Variants in GLIPR2 observed in about 807,000 individuals in gnomAD.
The protein encoded by GLIPR2 is GLI pathogenesis related 2.
GLIPR2 carries 21 observed loss-of-function variants against 20.4 expected under a neutral mutation model. The observed-to-expected ratio is 1.03, with a 90% CI of 0.73 to 1.48. The LOEUF (loss-of-function observed/expected upper bound fraction) is 1.48. GLIPR2 is among the 40% of genes most tolerant of loss of function. The pLI, the probability that GLIPR2 is intolerant of heterozygous loss-of-function variation, is 0.00. For synonymous variants in GLIPR2, 91 were observed against 80.5 expected (o/e 1.13, Z -0.70); for missense variants, 205 against 200.1 (o/e 1.02, Z -0.15).
chr9:36,136,809 C>G lies in GLIPR2; in HGVS notation c.13+18C>G, dbSNP rs558551597. On this transcript the variant is annotated intron_variant, in intron 1 of 4. Coordinates refer to ENST00000377960, the MANE Select transcript of GLIPR2 (RefSeq NM_022343.4). This position sits in a 1 kb window ranked among gnomAD's most constrained non-coding sequence, Gnocchi z 4.3. The stretch of plus-strand genomic sequence containing the variant: ...CAAGTCAGGTGAGCCCGCGGGCTCG[C>G]CCGCTGCGGAATGGTTCGGAACCCC... 1.4e-4 allele frequency: 181 copies of G among 1,297,228 alleles called. 1 individual carries two copies. In the African/African-American group the frequency reaches 2.6e-3, roughly 19 times the overall value. 80.4% of individuals were successfully genotyped at this position (1,297,228 alleles called of 1,614,324 possible).
chr9:36,142,743 T>C (rs1156828595), intron 1 of GLIPR2, among the ~76,000 whole-genome samples: 2 of 152,138 alleles, frequency 1.3e-5, no homozygotes, highest in Non-Finnish European at 2.9e-5. Flanking sequence ...CTTGGGTTTT[T>C]CTCGGTGGGG....
intron 1 of GLIPR2, among the ~76,000 whole-genome samples, chr9:36,147,222 GTCTC>G (rs1825366602): frequency 6.6e-6 from 1 of 152,098 alleles, no homozygotes; most frequent in Non-Finnish European, 1.5e-5. Flanking sequence ...CTCTTTGTCT[GTCTC>G]TCTGTCTCCT....
intron 4 of GLIPR2, among the ~76,000 whole-genome samples, chr9:36,152,049 G>A (rs1190746090): frequency 2.0e-5 from 3 of 152,184 alleles, no homozygotes; most frequent in Non-Finnish European, 4.4e-5. Flanking sequence ...CCTGTGGTTT[G>A]CTGCCCGCCC....
chr9:36,155,287 T>C (rs997192732), intron 4 of GLIPR2, among the ~76,000 whole-genome samples: 4 of 152,244 alleles, frequency 2.6e-5, no homozygotes, highest in African/African-American at 9.6e-5. Flanking sequence ...AAATAAATTA[T>C]AGCTAAGTTT....
chr9:36,154,974 G>C (rs745488641), intron 4 of GLIPR2, among the ~76,000 whole-genome samples: 3 of 152,186 alleles, frequency 2.0e-5, no homozygotes, highest in Admixed American at 6.5e-5. Context: ...CTTTGGAAAC[G>C]GCCTGTAGAA....
intron 4 of GLIPR2, among the ~76,000 whole-genome samples, chr9:36,158,119 T>C (rs1196252564): frequency 1.3e-5 from 2 of 152,178 alleles, no homozygotes; most frequent in Non-Finnish European, 2.9e-5. Context: ...GACCGGGCTA[T>C]GTGACTTTGG....
At chr9:36,157,709 CACACATATATATAT>C (rs1563889091) in intron 4 of GLIPR2, among the ~76,000 whole-genome samples, 2 of 142,672 alleles carry the variant, frequency 1.4e-5, no homozygotes. Flanking sequence ...CACACACACA[CACACATATATATAT>C]ACACATATAT....
At chr9:36,154,628 C>T (rs201511513) in intron 4 of GLIPR2, among the ~76,000 whole-genome samples, 1 of 152,100 alleles carries the variant, frequency 6.6e-6, no homozygotes, top group Non-Finnish European at 1.5e-5. Context: ...AAAAAGGAAC[C>T]TTCGTTAGTG....
Position 36,147,822 on chromosome 9 carries a change from A to G in GLIPR2, c.50A>G (p.His17Arg), listed in dbSNP as rs970062458. The change falls in exon 2 of 5, where the codon CAC (histidine) becomes CGC (arginine). Residue 17 changes from histidine (H) to arginine (R), a missense_variant. By Grantham distance (29) the His-to-Arg change is conservative. Coordinates refer to ENST00000377960, the MANE Select transcript of GLIPR2 (RefSeq NM_022343.4). ...TTTCATAATGAGGTCCTGAAGGCCC[A>G]CAATGAGTACCGGCAGAAGCACGGC... ...KQFHNEVLKA[H>R]NEYRQKHGVP... 1.9e-6 allele frequency: 3 copies of G among 1,596,720 alleles called. No homozygotes were observed. In the African/African-American group the frequency reaches 4.0e-5, roughly 21 times the overall value.
At chr9:36,150,527 T>C (rs991684496) in intron 3 of GLIPR2, among the ~76,000 whole-genome samples, 8 of 152,198 alleles carry the variant, frequency 5.3e-5, no homozygotes, top group African/African-American at 1.9e-4. Flanking sequence ...TTGCAGTACA[T>C]TGCATTCAAC....
Position 36,150,292 on chromosome 9 carries a change from C to T in GLIPR2, c.227-580C>T, listed in dbSNP as rs76128448. Among the ~76,000 whole-genome samples, 343 of 152,272 alleles carry T rather than the reference C, an allele frequency of 2.3e-3. 2 individuals carry two copies. The highest frequency in any genetic ancestry group is 6.0e-3 in the African/African-American group (251 of 41,544). ...TTGAGACTGACTGCTCTGAGGTCCCCGCTCCTGGCTCTGGCCCGGAGAGCA... is the reference window on the plus strand; with the variant it reads ...TTGAGACTGACTGCTCTGAGGTCCCTGCTCCTGGCTCTGGCCCGGAGAGCA... On this transcript the variant is annotated intron_variant, in intron 3 of 4. Transcript: ENST00000377960.
At chr9:36,161,699 G>A (rs1474679788) in intron 4 of GLIPR2, among the ~76,000 whole-genome samples, 3 of 152,138 alleles carry the variant, frequency 2.0e-5, no homozygotes, top group East Asian at 3.8e-4. Context: ...TGTCAAGTAA[G>A]ATGAAGACAA....
intron 4 of GLIPR2, among the ~76,000 whole-genome samples, chr9:36,154,729 C>T (rs1174722531): frequency 6.6e-6 from 1 of 152,214 alleles, no homozygotes; most frequent in Non-Finnish European, 1.5e-5. Context: ...TTAATTCCCT[C>T]TGTGCAGACA....
At position 36,136,931 on chromosome 9, in the gene GLIPR2, GC is replaced by G. The variant is rs1824846723; in HGVS notation, c.13+144del. The G allele has an allele frequency of 9.7e-7, 1 of 1,032,578 alleles. No homozygotes were observed. The highest frequency in any genetic ancestry group is 4.8e-5 in the South Asian group (1 of 20,702). The allele number at this position is 1,032,578 out of a possible 1,614,324, so 64.0% of individuals were successfully genotyped here. A position where few individuals can be genotyped will look rare whatever the true frequency, so the allele number is the denominator to read the frequency against. On this transcript the variant is annotated intron_variant, in intron 1 of 4. Coordinates refer to ENST00000377960, the MANE Select transcript of GLIPR2 (RefSeq NM_022343.4). The surrounding 1 kb of genome is among the most constrained non-coding windows in gnomAD (Gnocchi z 4.3). ...CGGGTGGAGGGCGCGCGGGCGGAGCGCCCCGGCGCGGTTTCCGGGGAACCCG... is the reference window on the plus strand; with the variant it reads ...CGGGTGGAGGGCGCGCGGGCGGAGCGCCCGGCGCGGTTTCCGGGGAACCCG...
chr9:36,162,429 C>T lies in GLIPR2; in HGVS notation c.372C>T (p.Asp124=), dbSNP rs73648727. 3.4e-4 allele frequency: 545 copies of T among 1,613,958 alleles called. No individual in the cohort carries two copies. The African/African-American group carries it at 6.1e-3, about 18-fold the overall frequency. The change falls in exon 5 of 5, where the codon GAC becomes GAT. Residue 124 remains aspartate, a synonymous_variant. Transcript: ENST00000377960. ...KMGVGKASAS[D]GSSFVVARYF... ...GCGTGGGGAAGGCGTCCGCAAGTGACGGGTCCTCCTTTGTGGTGGCCAGAT... is the reference window on the plus strand; with the variant it reads ...GCGTGGGGAAGGCGTCCGCAAGTGATGGGTCCTCCTTTGTGGTGGCCAGAT...
rs1014981350 is a variant in GLIPR2 at position 36,162,730 on chromosome 9, C to T, written c.*208C>T. On this transcript the variant is annotated 3_prime_UTR_variant, in exon 5 of 5. Coordinates refer to ENST00000377960, the MANE Select transcript of GLIPR2 (RefSeq NM_022343.4). ...GAGTGAGCAAAGGAAGCATTTACCC[C>T]GATGGTTACCTAGACCACGATTATT... 2.9e-5 allele frequency: 18 copies of T among 621,124 alleles called. No homozygotes were observed. Among genetic ancestry groups the T allele is most frequent in the Non-Finnish European group, 3.7e-5 (13 of 354,068 alleles). The allele number at this position is 621,124 out of a possible 1,614,324, so 38.5% of individuals were successfully genotyped here.
chr9:36,153,744 T>C (rs1321791945), intron 4 of GLIPR2, among the ~76,000 whole-genome samples: 14 of 151,778 alleles, frequency 9.2e-5, no homozygotes. Flanking sequence ...CTACTAAAAA[T>C]ACAAAAATTA....
rs77541096 is a variant in GLIPR2, at chr9:36,147,207, C to G, written c.14-579C>G. 7.4e-3 allele frequency among the ~76,000 whole-genome samples: 1,133 copies of G among 152,282 alleles called. 15 individuals carry two copies. The highest frequency in any genetic ancestry group is 0.026 in the African/African-American group (1,086 of 41,538). On this transcript the variant is annotated intron_variant, in intron 1 of 4. Transcript: ENST00000377960. ...TCTGCTTCCCCAGGGCTGTCCTTCCCTCGTCTCTTTGTCTGTCTCTCTGTC... is the reference window on the plus strand; with the variant it reads ...TCTGCTTCCCCAGGGCTGTCCTTCCGTCGTCTCTTTGTCTGTCTCTCTGTC...
intron 2 of GLIPR2, among the ~76,000 whole-genome samples, chr9:36,148,264 TG>T (rs1328635354): frequency 6.7e-6 from 1 of 149,208 alleles, no homozygotes; most frequent in Non-Finnish European, 1.5e-5. Flanking sequence ...AAAAAAACGT[TG>T]GGGGGCCCTG....
Sources: allele counts gnomAD v4.1 joint callset (sites outside exome capture counted in the v4.1 genomes callset), GRCh38; gene constraint gnomAD v4.1.1; non-coding constraint Gnocchi (gnomAD v3.1); transcripts MANE v1.5; gene names NCBI Gene and HGNC (gene_info 2026-07-23, HGNC 2026-07-21).